Variants in GPC3 observed in about 807,000 individuals in gnomAD.
The protein encoded by GPC3 is glypican 3.
Under a neutral mutation model 34.4 loss-of-function variants are expected in GPC3, and 3 were observed. That is an observed-to-expected ratio of 0.09 (90% CI 0.04 to 0.23). The LOEUF (loss-of-function observed/expected upper bound fraction) is 0.23. Ranked by LOEUF, GPC3 falls within the 10% of genes least tolerant of loss-of-function variation. The pLI is 1.00. For missense variants in GPC3, 351 were observed against 445.6 expected, an observed-to-expected ratio of 0.79 and a Z score of 1.91; for synonymous variants, 177 against 174.0, an observed-to-expected ratio of 1.02 and a Z score of -0.13.
chrX:133,720,789 T>C (rs1373096641), intron 3 of GPC3, among the ~76,000 whole-genome samples: 1 of 110,965 alleles, frequency 9.0e-6, no homozygotes, highest in African/African-American at 3.3e-5. Context: ...AACTCAGGAA[T>C]GGAAAACCAA....
At position 133,689,646 on chromosome X, in the gene GPC3, C is replaced by G. The variant is rs1021364940; in HGVS notation, c.1292+2723G>C. Among the ~76,000 whole-genome samples, 8 of 112,246 alleles carry G rather than the reference C, an allele frequency of 7.1e-5. No homozygotes were observed. In the Admixed American group the frequency reaches 7.6e-4, roughly 11 times the overall value. ...GGTTATAATATTTGCTTCAAACAATCACAATGAAGAAACAAATATTAGTGC... is the reference window on the plus strand; with the variant it reads ...GGTTATAATATTTGCTTCAAACAATGACAATGAAGAAACAAATATTAGTGC... On this transcript the variant is annotated intron_variant, in intron 5 of 7. Transcript: ENST00000370818.
chrX:133,661,134 C>G (rs182743953), intron 6 of GPC3, among the ~76,000 whole-genome samples: 3 of 111,185 alleles, frequency 2.7e-5, no homozygotes, highest in African/African-American at 9.9e-5. Context: ...GTGCCACTGA[C>G]CTCCAGCCTG....
chrX:133,852,045 C>T (rs754535451), intron 2 of GPC3, among the ~76,000 whole-genome samples: 4 of 111,997 alleles, frequency 3.6e-5, no homozygotes, highest in African/African-American at 6.5e-5. Context: ...AGCAGAGGGA[C>T]GAATTAAACG....
chrX:133,671,380 GAAGTA>G, intron 5 of GPC3: 1 of 548,922 alleles, frequency 1.8e-6, no homozygotes, highest in Non-Finnish European at 3.3e-6. Flanking sequence ...AAAAGTCGAA[GAAGTA>G]AAGGGCTGCA....
intron 2 of GPC3, among the ~76,000 whole-genome samples, chrX:133,797,968 TATA>T (rs1485256335): frequency 5.4e-5 from 6 of 112,008 alleles, no homozygotes; most frequent in Non-Finnish European, 9.4e-5. Flanking sequence ...GAAGAAAAAT[TATA>T]ATAAGTTTCC....
intron 2 of GPC3, among the ~76,000 whole-genome samples, chrX:133,788,917 C>G (rs1244651477): frequency 9.0e-6 from 1 of 110,693 alleles, no homozygotes; most frequent in Non-Finnish European, 1.9e-5. Context: ...AGCAGGAATC[C>G]TTGGAGGTTC....
intron 3 of GPC3, among the ~76,000 whole-genome samples, chrX:133,747,129 T>C (rs2071619735): frequency 8.9e-6 from 1 of 112,053 alleles, no homozygotes; most frequent in South Asian, 3.7e-4. Context: ...GTTACTATTA[T>C]TAAATACCAA....
intron 7 of GPC3, among the ~76,000 whole-genome samples, chrX:133,587,279 A>G (rs1477883861): frequency 2.7e-5 from 3 of 112,300 alleles, no homozygotes; most frequent in African/African-American, 9.7e-5. Context: ...AACTGGAATG[A>G]CAGGATTTCC....
chrX:133,556,886 C>T (rs1203051106), intron 7 of GPC3, among the ~76,000 whole-genome samples: 3 of 106,108 alleles, frequency 2.8e-5, no homozygotes, highest in Admixed American at 2.0e-4. Context: ...CAAACCTGCA[C>T]GTTGTACACA....
intron 2 of GPC3, among the ~76,000 whole-genome samples, chrX:133,937,862 T>C (rs1170042991): frequency 8.9e-6 from 1 of 112,128 alleles, no homozygotes; most frequent in African/African-American, 3.2e-5. Flanking sequence ...TATCAACTCA[T>C]GGTCAACTAA....
intron 2 of GPC3, among the ~76,000 whole-genome samples, chrX:133,853,938 T>C (rs1229498720): frequency 8.9e-6 from 1 of 112,193 alleles, no homozygotes; most frequent in Admixed American, 9.4e-5. Context: ...AGTTCACCTC[T>C]TTAAGCCTCA....
intron 1 of GPC3, among the ~76,000 whole-genome samples, chrX:133,977,704 T>C (rs184080502): frequency 2.1e-3 from 240 of 111,849 alleles, no homozygotes; most frequent in African/African-American, 7.5e-3. Context: ...CTGATTTTTG[T>C]TTTCAAATGA....
intron 7 of GPC3, among the ~76,000 whole-genome samples, chrX:133,563,238 GTTTGT>G (rs1382784516): frequency 1.8e-5 from 2 of 111,710 alleles, no homozygotes; most frequent in African/African-American, 6.5e-5. Flanking sequence ...GCTGGATTTT[GTTTGT>G]TTTAGAGAAG....
intron 2 of GPC3, chrX:133,762,669 A>G: frequency 3.2e-6 from 1 of 311,403 alleles, no homozygotes; most frequent in Non-Finnish European, 5.7e-6. Flanking sequence ...ATGAGATACC[A>G]TCTCACACCA....
chrX:133,983,623 A>G (rs755514854), intron 1 of GPC3, among the ~76,000 whole-genome samples: 2 of 110,996 alleles, frequency 1.8e-5, no homozygotes, highest in Non-Finnish European at 3.8e-5. Context: ...TGTGGCCCCA[A>G]CCCCAACCCT....
At chrX:133,803,479 C>A (rs984816279) in intron 2 of GPC3, among the ~76,000 whole-genome samples, 3 of 111,804 alleles carry the variant, frequency 2.7e-5, no homozygotes, top group African/African-American at 9.8e-5. Flanking sequence ...CCTGTAATAG[C>A]CATTGCTCTC....
intron 2 of GPC3, among the ~76,000 whole-genome samples, chrX:133,832,180 T>A (rs1348982267): frequency 2.7e-5 from 3 of 111,173 alleles, no homozygotes; most frequent in African/African-American, 9.8e-5. Flanking sequence ...CTCAGGAGGC[T>A]GAGGCAGGAG....
chrX:133,638,432 G>A (rs2070449840), intron 6 of GPC3, among the ~76,000 whole-genome samples: 1 of 111,631 alleles, frequency 9.0e-6, no homozygotes, highest in African/African-American at 3.3e-5. Context: ...TCTAGGAAGG[G>A]AGTGACACAT....
chrX:133,682,966 CAAAAAA>C, intron 5 of GPC3, among the ~76,000 whole-genome samples: 1 of 50,248 alleles, frequency 2.0e-5, no homozygotes, highest in African/African-American at 6.9e-5. Flanking sequence ...GACTCTGACT[CAAAAAA>C]AAAAAAAAAA....
Sources: gnomAD v4.1 joint callset for allele counts (sites outside exome capture counted in the v4.1 genomes callset) on GRCh38, gnomAD v4.1.1 for gene constraint, MANE v1.5 for transcripts, NCBI Gene and HGNC (gene_info 2026-07-23, HGNC 2026-07-21) for gene names.